SGCZ: variants seen among roughly 807,000 people sequenced by gnomAD.
SGCZ encodes sarcoglycan zeta, also known as zeta-sarcoglycan.
SGCZ carries 40 observed loss-of-function variants against 41.3 expected under a neutral mutation model. The observed-to-expected ratio is 0.97, with a 90% CI of 0.75 to 1.26. SGCZ has a LOEUF of 1.26. Ranked by LOEUF, SGCZ falls within the 50% of genes most tolerant of loss-of-function variation. The probability of loss-of-function intolerance (pLI) is 0.00; values close to 1 mark genes in which losing one functional copy is unlikely to be tolerated. For synonymous variants in SGCZ, 206 were observed against 137.5 expected, an observed-to-expected ratio of 1.50 and a Z score of -3.49; for missense variants, 552 against 369.8, an observed-to-expected ratio of 1.49 and a Z score of -4.04.
chr8:14,834,636 C>T (rs1585303893), intron 1 of SGCZ, among the ~76,000 whole-genome samples: 1 of 152,110 alleles, frequency 6.6e-6, no homozygotes, highest in Non-Finnish European at 1.5e-5. Context: ...TTTTTATGAT[C>T]GCACTTTGGA....
At chr8:14,332,259 C>T (rs191397463) in intron 2 of SGCZ, among the ~76,000 whole-genome samples, 46 of 152,022 alleles carry the variant, frequency 3.0e-4, no homozygotes, top group Non-Finnish European at 4.9e-4. Flanking sequence ...CACGGTGAAA[C>T]CCCGTCTCTA....
At chr8:14,778,910 G>C (rs900225226) in intron 1 of SGCZ, among the ~76,000 whole-genome samples, 3 of 152,092 alleles carry the variant, frequency 2.0e-5, no homozygotes, top group African/African-American at 7.2e-5. Flanking sequence ...AAACACATTA[G>C]GAATATCTTA....
In SGCZ at chr8:14,768,300, G is replaced by A. The variant is rs151134928; in HGVS notation, c.40-213374C>T. The stretch of plus-strand genomic sequence containing the variant: ...TCTTCCATTGACTGAGCTATTCAAC[G>A]GAATTTATTTAGATACTTTATAAAG... On this transcript the variant is annotated intron_variant, in intron 1 of 7. Coordinates refer to ENST00000382080, the MANE Select transcript of SGCZ (RefSeq NM_139167.4). Among the ~76,000 whole-genome samples the A allele has an allele frequency of 4.5e-3, 684 of 152,240 alleles. 1 individual carries two copies. Among genetic ancestry groups the A allele is most frequent in the East Asian group, 0.01 (54 of 5,168 alleles).
intron 4 of SGCZ, among the ~76,000 whole-genome samples, chr8:14,197,493 T>C (rs1391805154): frequency 6.6e-6 from 1 of 152,090 alleles, no homozygotes; most frequent in Non-Finnish European, 1.5e-5. Context: ...AAGGCTGGTA[T>C]GTTCAGCCTT....
intron 1 of SGCZ, among the ~76,000 whole-genome samples, chr8:15,076,079 T>A (rs1295734959): frequency 6.6e-6 from 1 of 152,204 alleles, no homozygotes; most frequent in Non-Finnish European, 1.5e-5. Context: ...CCAGGACATA[T>A]AATAGATACC....
chr8:14,780,296 A>AC (rs1800548493), intron 1 of SGCZ, among the ~76,000 whole-genome samples: 1 of 149,680 alleles, frequency 6.7e-6, no homozygotes, highest in Non-Finnish European at 1.5e-5. Context: ...AATAGCACGA[A>AC]CCCGGGGGGC....
At chr8:14,856,982 AC>A in intron 1 of SGCZ, among the ~76,000 whole-genome samples, 1 of 152,116 alleles carries the variant, frequency 6.6e-6, no homozygotes. Context: ...TGGAATGGTA[AC>A]CCCCAGTGTT....
chr8:14,288,346 G>A (rs891596032), intron 3 of SGCZ, among the ~76,000 whole-genome samples: 6 of 151,978 alleles, frequency 3.9e-5, no homozygotes, highest in African/African-American at 1.5e-4. Context: ...GTACATCAAC[G>A]ATGTTCTGCA....
At chr8:14,302,631 A>T (rs2116975899) in intron 3 of SGCZ, among the ~76,000 whole-genome samples, 1 of 151,964 alleles carries the variant, frequency 6.6e-6, no homozygotes, top group South Asian at 2.1e-4. Flanking sequence ...CTCTACCTTT[A>T]TGATTTACTG....
At chr8:14,852,378 T>G (rs1585318874) in intron 1 of SGCZ, among the ~76,000 whole-genome samples, 1 of 152,286 alleles carries the variant, frequency 6.6e-6, no homozygotes, top group Admixed American at 6.5e-5. Context: ...TCTCAGTTGA[T>G]ATATGGCTAC....
At chr8:14,973,764 C>A (rs1028001482) in intron 1 of SGCZ, among the ~76,000 whole-genome samples, 9 of 152,124 alleles carry the variant, frequency 5.9e-5, no homozygotes, top group South Asian at 2.1e-4. Context: ...AAAGACGACA[C>A]GTTTTGGTAA....
intron 2 of SGCZ, among the ~76,000 whole-genome samples, chr8:14,451,621 C>A (rs570247082): frequency 1.3e-5 from 2 of 152,080 alleles, no homozygotes; most frequent in Admixed American, 1.3e-4. Flanking sequence ...TCAAAATATA[C>A]GACAAACTCT....
At chr8:14,924,349 C>T (rs1340977747) in intron 1 of SGCZ, among the ~76,000 whole-genome samples, 1 of 151,938 alleles carries the variant, frequency 6.6e-6, no homozygotes, top group East Asian at 1.9e-4. Context: ...GTAAATGAAC[C>T]CAAGAAGGCA....
chr8:15,105,418 G>A (rs761897170), intron 1 of SGCZ, among the ~76,000 whole-genome samples: 1 of 152,118 alleles, frequency 6.6e-6, no homozygotes, highest in Non-Finnish European at 1.5e-5. Context: ...AAGAAGCATG[G>A]CTAGGGTGCC....
intron 2 of SGCZ, among the ~76,000 whole-genome samples, chr8:14,375,143 C>T (rs180989292): frequency 9.1e-5 from 13 of 142,320 alleles, no homozygotes; most frequent in East Asian, 2.0e-4. Flanking sequence ...GACAGACAGA[C>T]AGATAGATAT....
intron 1 of SGCZ, among the ~76,000 whole-genome samples, chr8:15,149,213 A>G (rs1799114226): frequency 6.6e-6 from 1 of 152,122 alleles, no homozygotes; most frequent in Non-Finnish European, 1.5e-5. Flanking sequence ...TATCCTTCAA[A>G]CATTATCCCA....
At chr8:14,332,941 G>A (rs934507904) in intron 2 of SGCZ, among the ~76,000 whole-genome samples, 1 of 148,968 alleles carries the variant, frequency 6.7e-6, no homozygotes, top group Non-Finnish European at 1.5e-5. Context: ...ATACATATAT[G>A]TGTATATATA....
Position 14,480,478 on chromosome 8 carries a change from G to T in SGCZ, c.234+74254C>A, listed in dbSNP as rs894481866. On this transcript the variant is annotated intron_variant, in intron 2 of 7. Transcript: ENST00000382080. ...TCTATTATTTCAATGTTTACCCTTT[G>T]CTACACACCAACAGTACTTAAATCC... Among the ~76,000 whole-genome samples, 3 of 151,920 alleles carry T rather than the reference G, an allele frequency of 2.0e-5. No homozygotes were observed. In the East Asian group the frequency reaches 5.8e-4, roughly 29 times the overall value.
intron 1 of SGCZ, among the ~76,000 whole-genome samples, chr8:14,839,921 A>G (rs1487393974): frequency 1.3e-5 from 2 of 152,174 alleles, no homozygotes; most frequent in Non-Finnish European, 2.9e-5. Context: ...AACATTTTCT[A>G]TATTTATATT....
Sources: gnomAD v4.1 joint callset for allele counts (sites outside exome capture counted in the v4.1 genomes callset) on GRCh38, gnomAD v4.1.1 for gene constraint, MANE v1.5 for transcripts, NCBI Gene and HGNC (gene_info 2026-07-23, HGNC 2026-07-21) for gene names.